Variants in PTPN20 observed in about 807,000 individuals in gnomAD.
PTPN20 encodes protein tyrosine phosphatase non-receptor type 20.
Under a neutral mutation model 35.0 loss-of-function variants are expected in PTPN20, and 9 were observed. That is an observed-to-expected ratio of 0.26 (90% CI 0.15 to 0.45). The LOEUF (loss-of-function observed/expected upper bound fraction) is 0.45, where lower values mean the gene tolerates loss of function less well. Ranked by LOEUF, PTPN20 falls within the 20% of genes least tolerant of loss-of-function variation. PTPN20 has a pLI of 1.00. For synonymous variants in PTPN20, 32 were observed against 100.2 expected, an observed-to-expected ratio of 0.32 and a Z score of 4.06; for missense variants, 111 against 312.5, an observed-to-expected ratio of 0.36 and a Z score of 4.86.
In PTPN20 at chr10:47,001,640, A is replaced by G. The variant is rs1555185849; in HGVS notation, c.*899A>G. 1 of 152,096 alleles carries G rather than the reference A, an allele frequency of 6.6e-6. No individual in the cohort carries two copies. The highest frequency in any genetic ancestry group is 2.4e-5 in the African/African-American group (1 of 41,432). The allele number at this position is 152,096 out of a possible 1,614,324, so 9.4% of individuals were successfully genotyped here. A position where few individuals can be genotyped will look rare whatever the true frequency, so the allele number is the denominator to read the frequency against. On this transcript the variant is annotated 3_prime_UTR_variant, in exon 11 of 11. Coordinates refer to ENST00000374339, the MANE Select transcript of PTPN20 (RefSeq NM_001042357.5). ...ATCTCTCATGTTTGATGTATTTTTC[A>G]AACTAAGATCTATGATAGTTTTTTT...
At chr10:46,953,323 G>A (rs1354105842) in intron 5 of PTPN20, among the ~76,000 whole-genome samples, 1 of 139,344 alleles carries the variant, frequency 7.2e-6, no homozygotes, top group Non-Finnish European at 1.5e-5. Flanking sequence ...CAATGTATAT[G>A]CCTTTCATTT....
At chr10:46,951,215 G>C (rs1476240409) in intron 5 of PTPN20, among the ~76,000 whole-genome samples, 14 of 152,078 alleles carry the variant, frequency 9.2e-5, no homozygotes, top group Non-Finnish European at 2.1e-4. Flanking sequence ...GGCTGGTCTC[G>C]AACTCCTGAC....
chr10:47,000,742 GA>G lies in PTPN20; in HGVS notation c.*4del. 6.2e-7 allele frequency: 1 copy of G among 1,613,530 alleles called. No homozygotes were observed. Among genetic ancestry groups the G allele is most frequent in the African/African-American group, 1.3e-5 (1 of 75,004 alleles). On this transcript the variant is annotated 3_prime_UTR_variant, in exon 11 of 11. Coordinates refer to ENST00000374339, the MANE Select transcript of PTPN20 (RefSeq NM_001042357.5). ...TCGGAAACTTCTGACTTTGGATTAA[GA>G]AAGACTTCTGTTGCCTCTCACTTGA...
intron 1 of PTPN20, chr10:46,926,264 G>A (rs1296641818): frequency 9.4e-6 from 7 of 743,406 alleles, no homozygotes; most frequent in Non-Finnish European, 1.1e-5. Context: ...TGAGACATTT[G>A]TCTGGAATTC....
rs1555185662 is a variant in PTPN20 at position 47,001,434 on chromosome 10, C to T, written c.*693C>T. 1 of 152,334 alleles carries T rather than the reference C, an allele frequency of 6.6e-6. No homozygotes were observed. The highest frequency in any genetic ancestry group is 1.5e-5 in the Non-Finnish European group (1 of 68,240). The allele number at this position is 152,334 out of a possible 1,614,324, so 9.4% of individuals were successfully genotyped here. On this transcript the variant is annotated 3_prime_UTR_variant, in exon 11 of 11. Coordinates refer to ENST00000374339, the MANE Select transcript of PTPN20 (RefSeq NM_001042357.5). ...TAAAATAGATGTTTATATAGAAAGC[C>T]CAAGAGGAGACTTTTGCCATGCCTG...
chr10:46,945,263 G>A (rs2044377856), intron 4 of PTPN20, among the ~76,000 whole-genome samples: 1 of 151,920 alleles, frequency 6.6e-6, no homozygotes, highest in South Asian at 2.1e-4. Flanking sequence ...GCATACGGAG[G>A]GTCTTTTTGT....
intron 5 of PTPN20, among the ~76,000 whole-genome samples, chr10:46,959,029 CTTTG>C (rs1348685247): frequency 1.2e-4 from 17 of 145,498 alleles, no homozygotes; most frequent in African/African-American, 4.1e-4. Flanking sequence ...GTTAGATATA[CTTTG>C]TTTATTATAT....
chr10:46,992,607 T>C (rs1443355824), intron 9 of PTPN20, among the ~76,000 whole-genome samples: 1 of 152,204 alleles, frequency 6.6e-6, no homozygotes. Context: ...AATGGCTTTG[T>C]CAACTTTTTA....
At chr10:46,931,923 A>G (rs1348349476) in intron 1 of PTPN20, among the ~76,000 whole-genome samples, 2 of 147,652 alleles carry the variant, frequency 1.4e-5, no homozygotes, top group African/African-American at 2.7e-5. Flanking sequence ...AACTTTTTAT[A>G]GATTGAATGA....
At chr10:46,940,593 T>C in intron 2 of PTPN20, 30 bp from the exon 3 acceptor site, 5 of 1,566,744 alleles carry the variant, frequency 3.2e-6, no homozygotes, top group Non-Finnish European at 4.4e-6. Flanking sequence ...GTTTTCTATT[T>C]GATCAGTTTT....
chr10:46,996,160 A>G (rs915356159), intron 9 of PTPN20, among the ~76,000 whole-genome samples: 8 of 152,226 alleles, frequency 5.3e-5, no homozygotes, highest in Admixed American at 3.3e-4. Context: ...GTTAACCAGT[A>G]CATCTTTGGA....
At chr10:46,940,903 T>C (rs1193374209) in intron 3 of PTPN20, among the ~76,000 whole-genome samples, 186 bp downstream of exon 3, 4 of 151,998 alleles carry the variant, frequency 2.6e-5, no homozygotes, top group African/African-American at 7.3e-5. Flanking sequence ...AAGTTTCTAA[T>C]GAATTGCATT....
chr10:46,998,242 T>C (rs1233708376), intron 9 of PTPN20, among the ~76,000 whole-genome samples: 1 of 152,072 alleles, frequency 6.6e-6, no homozygotes, highest in African/African-American at 2.4e-5. Flanking sequence ...CTTCAACAAA[T>C]TGATGGTTAA....
intron 9 of PTPN20, among the ~76,000 whole-genome samples, chr10:46,992,430 C>A (rs911472486): frequency 2.4e-4 from 37 of 152,100 alleles, no homozygotes; most frequent in East Asian, 1.2e-3. Flanking sequence ...GCCCGAAATT[C>A]TTTTTTCTTT....
chr10:46,926,872 T>G lies in PTPN20; in HGVS notation c.-123-5505T>G, dbSNP rs1213640163. Among the ~76,000 whole-genome samples the G allele has an allele frequency of 2.8e-3, 421 of 151,520 alleles. 12 individuals are homozygous for G. Among genetic ancestry groups the G allele is most frequent in the Middle Eastern group, 0.01 (3 of 292 alleles). Reference sequence around the variant, plus strand: ...GGGAAGCTCGTCTGAGCTTAAGAGTTTAGGGTTTTTATCAGGGGTTAGTCA... The same window carrying G: ...GGGAAGCTCGTCTGAGCTTAAGAGTGTAGGGTTTTTATCAGGGGTTAGTCA... On this transcript the variant is annotated intron_variant, in intron 1 of 10. Coordinates refer to ENST00000374339, the MANE Select transcript of PTPN20 (RefSeq NM_001042357.5).
intron 9 of PTPN20, among the ~76,000 whole-genome samples, chr10:46,989,103 CT>C (rs1218179264): frequency 7.9e-6 from 1 of 125,972 alleles, no homozygotes; most frequent in African/African-American, 3.0e-5. Flanking sequence ...ATTTAATTTC[CT>C]TTTTTTCCAA....
At chr10:46,948,893 C>A (rs1440840371) in intron 5 of PTPN20, among the ~76,000 whole-genome samples, 6 of 147,278 alleles carry the variant, frequency 4.1e-5, no homozygotes, top group African/African-American at 1.3e-4. Flanking sequence ...CTGCCTGACA[C>A]CTTTGGCAAG....
chr10:46,997,484 G>T (rs1301691925), intron 9 of PTPN20, among the ~76,000 whole-genome samples: 1 of 151,126 alleles, frequency 6.6e-6, no homozygotes, highest in Non-Finnish European at 1.5e-5. Flanking sequence ...TTATTTTCTG[G>T]TCTTATTGCT....
At chr10:46,960,619 GTTTTAACATATGTTATATCTC>G (rs1266814329) in intron 5 of PTPN20, among the ~76,000 whole-genome samples, 1 of 151,684 alleles carries the variant, frequency 6.6e-6, no homozygotes, top group Non-Finnish European at 1.5e-5. Context: ...TCACTTGACA[GTTTTAACATATGTTATATCTC>G]TGTCTGGTTC....
Sources: allele counts gnomAD v4.1 joint callset (sites outside exome capture counted in the v4.1 genomes callset), GRCh38; gene constraint gnomAD v4.1.1; transcripts MANE v1.5; gene names NCBI Gene and HGNC (gene_info 2026-07-23, HGNC 2026-07-21).